The following COL28A1 variants were observed in gnomAD, a reference collection of about 807,000 sequenced individuals.
COL28A1 encodes collagen type XXVIII alpha 1 chain.
Under a neutral mutation model 150.2 loss-of-function variants are expected in COL28A1, and 161 were observed. The observed-to-expected ratio is 1.07, with a 90% confidence interval of 0.94 to 1.22. COL28A1 has a LOEUF of 1.22. COL28A1 is among the 50% of genes most tolerant of loss of function. COL28A1 has a pLI of 0.00. For synonymous variants in COL28A1, 552 were observed against 469.7 expected (o/e 1.18, Z -2.26); for missense variants, 1,617 against 1,388.3 (o/e 1.16, Z -2.62).
At chr7:7,349,982 C>T in the COL28A1 span, among the ~76,000 whole-genome samples, 1 of 152,018 alleles carries the variant, frequency 6.6e-6, no homozygotes, top group African/African-American at 2.4e-5. Context: ...GAGAGATAAC[C>T]TGGAAATATA....
intron 18 of COL28A1, among the ~76,000 whole-genome samples, chr7:7,446,939 A>G (rs1039973579): frequency 3.2e-4 from 48 of 152,224 alleles, no homozygotes; most frequent in African/African-American, 1.2e-3. Context: ...AATATTGCTC[A>G]GTACATGTGT....
Position 7,523,057 on chromosome 7 carries a change from C to T in COL28A1, c.703-1096G>A, listed in dbSNP as rs571772434. Among the ~76,000 whole-genome samples the T allele has an allele frequency of 5.3e-5, 8 of 151,896 alleles. No homozygotes were observed. The East Asian group carries it at 1.5e-3, about 29-fold the overall frequency. On this transcript the variant is annotated intron_variant, in intron 4 of 34. Transcript: ENST00000399429. ...GATACAGGATTTTAAAATCTACATC[C>T]AAAATGTCTAAAAACTTATTTCCAC... is the stretch of plus-strand genomic sequence containing the variant.
intron 27 of COL28A1, among the ~76,000 whole-genome samples, chr7:7,401,427 G>A (rs946135317): frequency 2.6e-5 from 4 of 151,964 alleles, no homozygotes; most frequent in African/African-American, 9.7e-5. Flanking sequence ...TACTCGGCAG[G>A]TCCATTTAAA....
At chr7:7,435,115 A>G (rs1235929067) in intron 23 of COL28A1, among the ~76,000 whole-genome samples, 1 of 152,182 alleles carries the variant, frequency 6.6e-6, no homozygotes, top group Non-Finnish European at 1.5e-5. Flanking sequence ...TTTAAATACC[A>G]TCACCTATAA....
intron 3 of COL28A1, among the ~76,000 whole-genome samples, chr7:7,528,285 G>A (rs1386529214): frequency 6.6e-6 from 1 of 152,070 alleles, no homozygotes; most frequent in Non-Finnish European, 1.5e-5. Flanking sequence ...ATATATCCAG[G>A]ACTTTGGAAT....
At chr7:7,385,901 A>G (rs942719815) in intron 27 of COL28A1, among the ~76,000 whole-genome samples, 2 of 152,214 alleles carry the variant, frequency 1.3e-5, no homozygotes, top group South Asian at 2.1e-4. Flanking sequence ...TATCTAGCTA[A>G]AAGCCTTTAG....
At chr7:7,407,434 G>T (rs1029017713) in intron 27 of COL28A1, among the ~76,000 whole-genome samples, 12 of 151,884 alleles carry the variant, frequency 7.9e-5, no homozygotes, top group Non-Finnish European at 1.8e-4. Flanking sequence ...AAAAGAGAAA[G>T]TATCAAAAGC....
chr7:7,464,720 A>G (rs541848684), intron 15 of COL28A1, among the ~76,000 whole-genome samples: 6 of 152,328 alleles, frequency 3.9e-5, no homozygotes, highest in African/African-American at 1.2e-4. Context: ...CTGAAAGAGC[A>G]CAAACAAACA....
downstream of COL28A1, among the ~76,000 whole-genome samples, chr7:7,353,612 T>C (rs951110675): frequency 6.6e-6 from 1 of 152,104 alleles, no homozygotes; most frequent in Non-Finnish European, 1.5e-5. Flanking sequence ...TTGGTAGAGA[T>C]GAGAGGGTAC....
chr7:7,417,972 C>T (rs543619012), intron 26 of COL28A1, 45 bp from the exon 27 acceptor site: 11 of 1,515,978 alleles, frequency 7.3e-6, no homozygotes, highest in African/African-American at 1.4e-5. Flanking sequence ...GTAAGAAGAT[C>T]GAAGAAGAAA....
intron 11 of COL28A1, among the ~76,000 whole-genome samples, chr7:7,494,839 T>A (rs1049143482): frequency 1.3e-5 from 2 of 152,150 alleles, no homozygotes; most frequent in Admixed American, 1.3e-4. Flanking sequence ...CCTTAAGGAA[T>A]TGGGAAAGTT....
intron 26 of COL28A1, among the ~76,000 whole-genome samples, chr7:7,419,039 A>T (rs760304243): frequency 3.8e-4 from 58 of 152,342 alleles, no homozygotes; most frequent in South Asian, 1.9e-3. Context: ...CGGCATGAAT[A>T]TACCAATTCA....
At chr7:7,344,308 T>C in the COL28A1 span, among the ~76,000 whole-genome samples, 1 of 150,826 alleles carries the variant, frequency 6.6e-6, no homozygotes. Context: ...TTTTGTTCAT[T>C]TTTTTTCTTC....
chr7:7,360,316 T>G (rs989021398), intron 34 of COL28A1, 74 bp downstream of exon 34: 2 of 1,401,388 alleles, frequency 1.4e-6, no homozygotes, highest in Admixed American at 2.9e-5. Context: ...GGCAGATCTC[T>G]CTTTCCTTTG....
intron 27 of COL28A1, among the ~76,000 whole-genome samples, chr7:7,390,491 A>G (rs1307680210): frequency 6.6e-6 from 1 of 152,130 alleles, no homozygotes; most frequent in Admixed American, 6.5e-5. Context: ...TCATATCAGG[A>G]TAATGCCGGC....
intron 30 of COL28A1, among the ~76,000 whole-genome samples, chr7:7,375,840 G>C (rs1268770741): frequency 2.0e-5 from 3 of 152,278 alleles, no homozygotes; most frequent in East Asian, 3.9e-4. Flanking sequence ...CACAGGGTCT[G>C]GCAACTTTAA....
At chr7:7,474,745 T>C (rs775148642) in intron 14 of COL28A1, 76 bp from the exon 15 acceptor site, 16 of 778,682 alleles carry the variant, frequency 2.1e-5, no homozygotes, top group South Asian at 8.9e-5. Context: ...ACAAATACTA[T>C]GAATTGTGCT....
At chr7:7,484,946 A>G (rs977337925) in intron 13 of COL28A1, among the ~76,000 whole-genome samples, 2 of 152,114 alleles carry the variant, frequency 1.3e-5, no homozygotes, top group African/African-American at 4.8e-5. Flanking sequence ...GACACAAAGA[A>G]GGGAACAGCA....
Position 7,443,635 on chromosome 7 carries a change from C to T in COL28A1, c.1600G>A (p.Gly534Arg). 1 of 1,614,078 alleles carries T rather than the reference C, an allele frequency of 6.2e-7. No individual in the cohort carries two copies. The change falls in exon 20 of 35, where the codon GGA becomes AGA. Residue 534 changes from glycine (G) to arginine (R), a missense_variant. Coordinates refer to ENST00000399429, the MANE Select transcript of COL28A1 (RefSeq NM_001037763.3). ...GGTGGTCCTTCTGGGCCTCTTGCTC[C>T]CGGAAGCCCCGCTTCTCCCTAGAGA... ...AGKKGEAGLP[G>R]ARGPEGPPGK... is the part of the protein sequence containing the mutation.
Sources: allele counts gnomAD v4.1 joint callset (sites outside exome capture counted in the v4.1 genomes callset), GRCh38; gene constraint gnomAD v4.1.1; transcripts MANE v1.5; gene names NCBI Gene and HGNC (gene_info 2026-07-23, HGNC 2026-07-21).